Variants in PPP2R2D observed in about 807,000 individuals in gnomAD.
The protein encoded by PPP2R2D is serine/threonine-protein phosphatase 2A 55 kDa regulatory subunit B delta isoform.
A neutral mutation model predicts 31.1 loss-of-function variants in PPP2R2D; 9 were observed. That is an observed-to-expected ratio of 0.29 (90% CI 0.17 to 0.51). The LOEUF (loss-of-function observed/expected upper bound fraction) is 0.51. Ranked by LOEUF, PPP2R2D falls within the 20% of genes least tolerant of loss-of-function variation. PPP2R2D has a pLI of 0.98. For missense variants in PPP2R2D, 391 were observed against 465.6 expected (o/e 0.84, Z 1.48); for synonymous variants, 179 against 172.6 (o/e 1.04, Z -0.29).
intron 3 of PPP2R2D, chr10:131,934,932 T>C: frequency 2.2e-6 from 1 of 457,108 alleles, no homozygotes; most frequent in Non-Finnish European, 4.4e-6. Flanking sequence ...TGCCATGAAG[T>C]GTGAGCAGCT....
intron 2 of PPP2R2D, among the ~76,000 whole-genome samples, chr10:131,905,066 C>T (rs2035561225): frequency 6.6e-6 from 1 of 151,128 alleles, no homozygotes; most frequent in Non-Finnish European, 1.5e-5. Context: ...GGTCATCAGA[C>T]TTCCCATCCC....
At chr10:131,929,903 C>G (rs571122798) in intron 2 of PPP2R2D, among the ~76,000 whole-genome samples, 6 of 152,316 alleles carry the variant, frequency 3.9e-5, no homozygotes, top group Admixed American at 1.3e-4. Context: ...CCACCTGAGG[C>G]CGCCCCGGTT....
rs114217511 is a variant in PPP2R2D at position 131,957,766 on chromosome 10, G to A, written c.*1803G>A. On this transcript the variant is annotated 3_prime_UTR_variant, in exon 9 of 9. Coordinates refer to ENST00000455566, the MANE Select transcript of PPP2R2D (RefSeq NM_018461.5). ...AGATGAAGGGGTGTGCCAATCCCCC[G>A]CGCCCCTGTGGAGATGGAGGCGTGT... is the stretch of plus-strand genomic sequence containing the variant. The A allele has an allele frequency of 5.7e-3, 767 of 133,958 alleles. 14 individuals carry two copies. Among genetic ancestry groups the A allele is most frequent in the African/African-American group, 0.022 (694 of 31,358 alleles). 8.3% of individuals were successfully genotyped at this position (133,958 alleles called of 1,614,324 possible). A position where few individuals can be genotyped will look rare whatever the true frequency, so the allele number is the denominator to read the frequency against.
At chr10:131,928,341 G>T (rs959968177) in intron 2 of PPP2R2D, among the ~76,000 whole-genome samples, 1 of 152,228 alleles carries the variant, frequency 6.6e-6, no homozygotes, top group Non-Finnish European at 1.5e-5. Flanking sequence ...CTGTGGTTAT[G>T]TGCCAGGAAG....
chr10:131,939,868 C>CG, intron 3 of PPP2R2D, 163 bp from the exon 4 acceptor site: 2 of 328,430 alleles, frequency 6.1e-6, no homozygotes, highest in Non-Finnish European at 1.1e-5. Context: ...CAAGTTCGTT[C>CG]TTTTTTTTTT....
chr10:131,930,994 GC>G (rs2036211944), intron 2 of PPP2R2D, among the ~76,000 whole-genome samples: 1 of 152,070 alleles, frequency 6.6e-6, no homozygotes, highest in African/African-American at 2.4e-5. Context: ...TCCTTCTTTA[GC>G]ATATTCTTCC....
intron 3 of PPP2R2D, among the ~76,000 whole-genome samples, chr10:131,937,961 A>G (rs2036373095): frequency 6.6e-6 from 1 of 152,136 alleles, no homozygotes; most frequent in Non-Finnish European, 1.5e-5. Flanking sequence ...GCTTCGGTTG[A>G]AGGAATGCAG....
chr10:131,962,755 ACTGC>A (rs2036941459), downstream of PPP2R2D, among the ~76,000 whole-genome samples: 1 of 152,222 alleles, frequency 6.6e-6, no homozygotes, highest in South Asian at 2.1e-4. Context: ...AGACCACGTG[ACTGC>A]CTGCTGGGCT....
chr10:131,934,831 G>A, intron 3 of PPP2R2D: 3 of 513,902 alleles, frequency 5.8e-6, no homozygotes, highest in Non-Finnish European at 1.1e-5. Context: ...GTGCATTTAT[G>A]TGCTTTCATT....
intron 2 of PPP2R2D, among the ~76,000 whole-genome samples, chr10:131,931,759 G>T (rs2036232838): frequency 6.6e-6 from 1 of 152,234 alleles, no homozygotes; most frequent in African/African-American, 2.4e-5. Context: ...TTTTCAGCTG[G>T]CAGCTTCACT....
the PPP2R2D span, among the ~76,000 whole-genome samples, chr10:131,966,128 T>C: frequency 2.0e-5 from 3 of 152,224 alleles, no homozygotes; most frequent in African/African-American, 7.2e-5. Flanking sequence ...CTGGAGTTTT[T>C]TGAGGTGTTG....
At chr10:131,929,307 G>C (rs782381182) in intron 2 of PPP2R2D, among the ~76,000 whole-genome samples, 3 of 152,232 alleles carry the variant, frequency 2.0e-5, no homozygotes, top group Non-Finnish European at 4.4e-5. Context: ...CGTGGGAACT[G>C]TGCTGGGTGG....
chr10:131,902,015 C>T (rs1208732359), intron 2 of PPP2R2D, among the ~76,000 whole-genome samples: 4 of 152,192 alleles, frequency 2.6e-5, no homozygotes, highest in Non-Finnish European at 4.4e-5. Flanking sequence ...ATCATACTCT[C>T]AAATTGGCCC....
chr10:131,932,672 A>C (rs1223868910), intron 2 of PPP2R2D, among the ~76,000 whole-genome samples: 4 of 140,322 alleles, frequency 2.9e-5, no homozygotes, highest in Non-Finnish European at 6.2e-5. Context: ...AAAAAAACAC[A>C]CAAAAAAAAC....
rs1278669129 is a variant in PPP2R2D, at chr10:131,919,605, A to G, written c.101-14853A>G. 1.2e-4 allele frequency among the ~76,000 whole-genome samples: 15 copies of G among 127,896 alleles called. 3 individuals carry two copies. Among genetic ancestry groups the G allele is most frequent in the Non-Finnish European group, 6.6e-5 (4 of 60,356 alleles). 83.9% of individuals were successfully genotyped at this position (127,896 alleles called of 152,430 possible). On this transcript the variant is annotated intron_variant, in intron 2 of 8. Transcript: ENST00000455566. ...GAATGACAGTGTTTGTAGGGACCTC[A>G]GGCGGGTGGAATGACACAGTGTTTG...
In PPP2R2D at chr10:131,957,436, C is replaced by A; in HGVS notation, c.*1473C>A. 7.1e-6 allele frequency: 1 copy of A among 140,254 alleles called. No homozygotes were observed. Among genetic ancestry groups the A allele is most frequent in the Non-Finnish European group, 1.4e-5 (1 of 71,006 alleles). 8.7% of individuals were successfully genotyped at this position (140,254 alleles called of 1,614,324 possible). A position where few individuals can be genotyped will look rare whatever the true frequency, so the allele number is the denominator to read the frequency against. On this transcript the variant is annotated 3_prime_UTR_variant, in exon 9 of 9. Transcript: ENST00000455566. ...GGTGTGTGCTGATCCCCCATCCCAT[C>A]CCCCTGTCTAGATGAAGGTGTGTGC...
chr10:131,931,446 C>T (rs1303271422), intron 2 of PPP2R2D, among the ~76,000 whole-genome samples: 4 of 152,192 alleles, frequency 2.6e-5, no homozygotes, highest in African/African-American at 9.7e-5. Flanking sequence ...CTCCCTGGTT[C>T]AAGCGATTCT....
chr10:131,968,413 CAAAT>C, the PPP2R2D span: 1 of 866,268 alleles, frequency 1.2e-6, no homozygotes, highest in Non-Finnish European at 1.9e-6. Flanking sequence ...ATTTACAGAA[CAAAT>C]AAACACAAGT....
chr10:131,917,603 AC>A (rs1554893407), intron 2 of PPP2R2D, among the ~76,000 whole-genome samples: 9 of 121,600 alleles, frequency 7.4e-5, no homozygotes, highest in African/African-American at 2.9e-4. Flanking sequence ...TAGGGACCTC[AC>A]GTGGGTGGAA....
Sources: allele counts gnomAD v4.1 joint callset (sites outside exome capture counted in the v4.1 genomes callset), GRCh38; gene constraint gnomAD v4.1.1; transcripts MANE v1.5; gene names NCBI Gene and HGNC (gene_info 2026-07-23, HGNC 2026-07-21).